Variants in SLC35A1 observed in about 807,000 individuals in gnomAD.
SLC35A1 encodes the protein solute carrier family 35 member A1, also known as CMP-sialic acid transporter.
Under a neutral mutation model 40.3 loss-of-function variants are expected in SLC35A1, and 21 were observed. That is an observed-to-expected ratio of 0.52 (90% confidence interval 0.37 to 0.75). The LOEUF is 0.75. Ranked by LOEUF, SLC35A1 falls within the 30% of genes least tolerant of loss-of-function variation. SLC35A1 has a pLI of 0.00. For missense variants in SLC35A1, 297 were observed against 382.1 expected, an observed-to-expected ratio of 0.78 and a Z score of 1.86; for synonymous variants, 146 against 147.3, an observed-to-expected ratio of 0.99 and a Z score of 0.06.
At chr6:87,494,296 T>C (rs1043744137) in intron 2 of SLC35A1, among the ~76,000 whole-genome samples, 1 of 152,202 alleles carries the variant, frequency 6.6e-6, no homozygotes, top group African/African-American at 2.4e-5. Context: ...ATATGAATTA[T>C]TATATCAGAT....
chr6:87,505,644 T>C (rs912831182), intron 4 of SLC35A1, among the ~76,000 whole-genome samples: 3 of 152,182 alleles, frequency 2.0e-5, no homozygotes, highest in African/African-American at 7.2e-5. Flanking sequence ...CTGGTGAGGC[T>C]CATTCTATGG....
intron 7 of SLC35A1, among the ~76,000 whole-genome samples, 168 bp from the exon 8 acceptor site, chr6:87,511,231 C>T (rs546238007): frequency 2.6e-5 from 4 of 152,042 alleles, no homozygotes; most frequent in East Asian, 1.9e-4. Flanking sequence ...CCTGCCTCCC[C>T]CTCTCCTTTT....
At position 87,477,634 on chromosome 6, in the gene SLC35A1, C is replaced by T. The variant is rs558062539; in HGVS notation, c.194+95C>T. ...AGCTACATCTTTATATGTTTAATTG[C>T]TCTGGGTCAGTGTTTCTCAACTAGG... On this transcript the variant is annotated intron_variant, in intron 2 of 7. Transcript: ENST00000369552. The T allele has an allele frequency of 5.3e-5, 58 of 1,088,702 alleles. 1 individual carries two copies. In the South Asian group the frequency reaches 6.7e-4, roughly 13 times the overall value. 67.4% of individuals were successfully genotyped at this position (1,088,702 alleles called of 1,614,324 possible).
At chr6:87,476,177 A>G (rs1305818754) in intron 1 of SLC35A1, among the ~76,000 whole-genome samples, 3 of 152,044 alleles carry the variant, frequency 2.0e-5, no homozygotes, top group Non-Finnish European at 4.4e-5. Flanking sequence ...TTAAGTGTTT[A>G]TATGTTTCCT....
At chr6:87,502,287 G>A (rs1769942603) in intron 4 of SLC35A1, among the ~76,000 whole-genome samples, 1 of 152,122 alleles carries the variant, frequency 6.6e-6, no homozygotes, top group Admixed American at 6.6e-5. Flanking sequence ...GTCTCCCAAT[G>A]TTGTCTAAGT....
intron 5 of SLC35A1, among the ~76,000 whole-genome samples, chr6:87,507,793 CTA>C (rs754120160): frequency 2.7e-4 from 33 of 120,156 alleles, no homozygotes; most frequent in Non-Finnish European, 5.6e-4. Flanking sequence ...CTGAAAAAAT[CTA>C]TGGACCTTCA....
intron 2 of SLC35A1, chr6:87,488,039 T>C (rs1042175440): frequency 1.3e-5 from 2 of 152,168 alleles, no homozygotes; most frequent in Non-Finnish European, 2.9e-5. Context: ...GTTATTATTA[T>C]TTTTGTTTTT....
intron 6 of SLC35A1, 164 bp downstream of exon 6, chr6:87,508,760 C>T (rs1289516092): frequency 1.4e-5 from 11 of 791,474 alleles, no homozygotes; most frequent in Non-Finnish European, 2.0e-5. Context: ...ATTGTGAAGG[C>T]AAAATTGCTT....
rs981687684 is a variant in SLC35A1, at chr6:87,511,386, TTTTTC to T, written c.887-7_887-3del. On this transcript the variant is annotated splice_region_variant and splice_polypyrimidine_tract_variant and intron_variant, in intron 7 of 7. Transcript: ENST00000369552. ...ACACATACAGATAAAGCTATTTTTT[TTTTTC>T]TTTTCAGCACTCACCTTTGCCCTGG... The T allele has an allele frequency of 5.6e-6, 9 of 1,613,408 alleles. No homozygotes were observed. In the African/African-American group the frequency reaches 1.2e-4, roughly 22 times the overall value.
rs758247031 is a variant in SLC35A1 at position 87,508,604 on chromosome 6, T to C, written c.751+8T>C. ...ATGTCTGGTTTGTCATCTGTAAGTA[T>C]CCAGGAATTAAAGGTTCTTAGTAGA... On this transcript the variant is annotated splice_region_variant and intron_variant, in intron 6 of 7. Coordinates refer to ENST00000369552, the MANE Select transcript of SLC35A1 (RefSeq NM_006416.5). 4 of 1,608,434 alleles carry C rather than the reference T, an allele frequency of 2.5e-6. No individual in the cohort carries two copies. Among genetic ancestry groups the C allele is most frequent in the Non-Finnish European group, 3.4e-6 (4 of 1,176,490 alleles).
At chr6:87,477,610 G>A (rs1769113278) in intron 2 of SLC35A1, 71 bp downstream of exon 2, 7 of 1,286,562 alleles carry the variant, frequency 5.4e-6, no homozygotes, top group Non-Finnish European at 7.9e-6. Flanking sequence ...GAAAATTCAA[G>A]CTACATCTTT....
At chr6:87,475,234 A>G (rs1451627565) in intron 1 of SLC35A1, among the ~76,000 whole-genome samples, 1 of 152,236 alleles carries the variant, frequency 6.6e-6, no homozygotes, top group Non-Finnish European at 1.5e-5. Flanking sequence ...CAATTTTCAC[A>G]TATCACAAGA....
intron 1 of SLC35A1, among the ~76,000 whole-genome samples, chr6:87,473,859 A>T (rs758606402): frequency 3.6e-4 from 55 of 152,364 alleles, no homozygotes; most frequent in Non-Finnish European, 6.3e-4. Context: ...TCCATAGAGC[A>T]CTTGGCTTCA....
At chr6:87,502,649 T>C (rs1010944450) in intron 4 of SLC35A1, among the ~76,000 whole-genome samples, 12 of 152,364 alleles carry the variant, frequency 7.9e-5, no homozygotes, top group Admixed American at 2.0e-4. Context: ...ACCGCTGTTT[T>C]ATATGTGGTT....
chr6:87,508,605 C>G lies in SLC35A1; in HGVS notation c.751+9C>G, dbSNP rs779752365. The G allele has an allele frequency of 1.2e-6, 2 of 1,606,372 alleles. No individual in the cohort carries two copies. Among genetic ancestry groups the G allele is most frequent in the Admixed American group, 3.3e-5 (2 of 59,848 alleles). The stretch of plus-strand genomic sequence containing the variant: ...TGTCTGGTTTGTCATCTGTAAGTAT[C>G]CAGGAATTAAAGGTTCTTAGTAGAT... On this transcript the variant is annotated intron_variant, in intron 6 of 7. Transcript: ENST00000369552.
At chr6:87,488,221 A>C (rs759197126) in intron 2 of SLC35A1, 13 of 152,222 alleles carry the variant, frequency 8.5e-5, no homozygotes, top group Non-Finnish European at 1.8e-4. Flanking sequence ...AGTTCTTATC[A>C]CATAAAAGTA....
chr6:87,488,545 A>G (rs903699691), intron 2 of SLC35A1: 9 of 152,294 alleles, frequency 5.9e-5, no homozygotes, highest in Admixed American at 1.3e-4. Context: ...AAAGCATTCC[A>G]CATTCAAAAA....
intron 2 of SLC35A1, among the ~76,000 whole-genome samples, chr6:87,480,823 T>C (rs1181405926): frequency 6.6e-6 from 1 of 152,128 alleles, no homozygotes; most frequent in Non-Finnish European, 1.5e-5. Flanking sequence ...CCAGGAACAA[T>C]GGTCCATGAT....
chr6:87,504,724 T>G (rs1770027116), intron 4 of SLC35A1, among the ~76,000 whole-genome samples: 1 of 152,190 alleles, frequency 6.6e-6, no homozygotes, highest in African/African-American at 2.4e-5. Flanking sequence ...CAAGTCCAGA[T>G]AAGCTGTTTC....
Sources: allele counts gnomAD v4.1 joint callset (sites outside exome capture counted in the v4.1 genomes callset), GRCh38; gene constraint gnomAD v4.1.1; transcripts MANE v1.5; gene names NCBI Gene and HGNC (gene_info 2026-07-23, HGNC 2026-07-21).